Variants in RASGRF2 observed in about 807,000 individuals in gnomAD.
RASGRF2 encodes Ras protein specific guanine nucleotide releasing factor 2, also known as ras-specific guanine nucleotide-releasing factor 2.
A neutral mutation model predicts 151.0 loss-of-function variants in RASGRF2; 76 were observed. The ratio of observed to expected loss-of-function variants is 0.50; its 90% CI spans 0.42 to 0.61. The LOEUF is 0.61. RASGRF2 is among the 20% of genes least tolerant of loss of function. RASGRF2 has a pLI of 0.00. For missense variants in RASGRF2, 1,148 were observed against 1,564.6 expected (o/e 0.73, Z 4.49); for synonymous variants, 504 against 566.5 (o/e 0.89, Z 1.57).
chr5:81,155,834 G>A (rs189333221), intron 17 of RASGRF2, among the ~76,000 whole-genome samples: 1 of 152,306 alleles, frequency 6.6e-6, no homozygotes, highest in Admixed American at 6.5e-5. Flanking sequence ...TCGGGTTATG[G>A]AAATTATATG....
rs1374168381 is a variant in RASGRF2, at chr5:81,201,327, C to G, written c.2794-3C>G. 2 of 1,607,332 alleles carry G rather than the reference C, an allele frequency of 1.2e-6. No individual in the cohort carries two copies. ...ATTTAAAAAGATTCATTTTATTTTA[C>G]AGGATTTCGAACTCAACAATGAACT... On this transcript the variant is annotated splice_region_variant and splice_polypyrimidine_tract_variant and intron_variant, in intron 18 of 26. Transcript: ENST00000265080.
chr5:81,094,226 T>C, intron 10 of RASGRF2, 70 bp from the exon 11 acceptor site: 1 of 1,285,406 alleles, frequency 7.8e-7, no homozygotes, highest in Non-Finnish European at 1.1e-6. Context: ...GAATATAGTG[T>C]TTACAAATCA....
chr5:81,019,884 A>G (rs1464918115), intron 1 of RASGRF2, among the ~76,000 whole-genome samples: 1 of 152,178 alleles, frequency 6.6e-6, no homozygotes, highest in Non-Finnish European at 1.5e-5. Flanking sequence ...AGAAATGTGG[A>G]AAGGGGAAGT....
chr5:81,099,907 CTT>C (rs577876645), intron 12 of RASGRF2, among the ~76,000 whole-genome samples: 8 of 125,006 alleles, frequency 6.4e-5, no homozygotes, highest in Non-Finnish European at 9.9e-5. Flanking sequence ...TTTCTTTTTT[CTT>C]TTTTTTTTTT....
intron 12 of RASGRF2, among the ~76,000 whole-genome samples, chr5:81,101,068 A>C (rs1207061847): frequency 1.3e-5 from 2 of 152,216 alleles, no homozygotes; most frequent in Admixed American, 6.5e-5. Flanking sequence ...ATCCCATCCC[A>C]GCCGTTACAA....
At chr5:81,049,912 A>G (rs1294234185) in intron 2 of RASGRF2, among the ~76,000 whole-genome samples, 1 of 152,180 alleles carries the variant, frequency 6.6e-6, no homozygotes, top group Non-Finnish European at 1.5e-5. Context: ...CTATCTATAT[A>G]TCATCTCTCC....
chr5:81,010,076 A>C (rs1749406780), intron 1 of RASGRF2, among the ~76,000 whole-genome samples: 1 of 151,926 alleles, frequency 6.6e-6, no homozygotes, highest in African/African-American at 2.4e-5. Context: ...GAATTGCTTG[A>C]ATCCTGGAGG....
chr5:81,014,458 G>A (rs900952888), intron 1 of RASGRF2, among the ~76,000 whole-genome samples: 10 of 152,058 alleles, frequency 6.6e-5, no homozygotes, highest in African/African-American at 1.4e-4. Flanking sequence ...ATCAGATCTC[G>A]CGAAACTTAT....
chr5:81,132,185 T>C (rs1177198268), intron 17 of RASGRF2, among the ~76,000 whole-genome samples: 2 of 152,248 alleles, frequency 1.3e-5, no homozygotes, highest in Non-Finnish European at 2.9e-5. Context: ...ATCTATTTTA[T>C]ATACTGCAGT....
chr5:81,187,668 C>T (rs1755055819), intron 18 of RASGRF2, among the ~76,000 whole-genome samples: 1 of 152,200 alleles, frequency 6.6e-6, no homozygotes, highest in Admixed American at 6.5e-5. Context: ...GGGCTGCAGT[C>T]CCAGATCTGA....
intron 18 of RASGRF2, among the ~76,000 whole-genome samples, chr5:81,200,836 A>G (rs1005469235): frequency 6.6e-6 from 1 of 152,166 alleles, no homozygotes; most frequent in African/African-American, 2.4e-5. Flanking sequence ...ATGAATAGAA[A>G]TACATGTATG....
chr5:81,178,743 A>AC (rs1426301241), intron 17 of RASGRF2, among the ~76,000 whole-genome samples: 8 of 144,420 alleles, frequency 5.5e-5, no homozygotes, highest in African/African-American at 2.3e-4. Context: ...AGTATAGACA[A>AC]CTTTTTTTTT....
Position 81,090,531 on chromosome 5 carries a change from T to C in RASGRF2, c.1391-2270T>C, listed in dbSNP as rs542432126. 3.3e-5 allele frequency among the ~76,000 whole-genome samples: 5 copies of C among 152,332 alleles called. No individual in the cohort carries two copies. In the East Asian group the frequency reaches 9.6e-4, roughly 29 times the overall value. ...TGAAAAAATCCTCTTAAAATGCTTT[T>C]TCCAAATATGATTATTTCACAAACC... On this transcript the variant is annotated intron_variant, in intron 9 of 26. Transcript: ENST00000265080.
chr5:81,051,397 G>T (rs1207137247), intron 2 of RASGRF2, among the ~76,000 whole-genome samples: 1 of 152,080 alleles, frequency 6.6e-6, no homozygotes, highest in Non-Finnish European at 1.5e-5. Flanking sequence ...TTCTAGTACA[G>T]TCACAAGGTT....
intron 17 of RASGRF2, among the ~76,000 whole-genome samples, chr5:81,133,113 G>A (rs1753665993): frequency 6.6e-6 from 1 of 152,084 alleles, no homozygotes. Context: ...GAGTCAGGTG[G>A]TATAATGAAA....
chr5:81,080,880 C>T, intron 7 of RASGRF2, 91 bp downstream of exon 7: 2 of 1,198,104 alleles, frequency 1.7e-6, no homozygotes, highest in African/African-American at 3.0e-5. Context: ...CTTAAGTGTG[C>T]CCTGGGAGGA....
intron 12 of RASGRF2, among the ~76,000 whole-genome samples, chr5:81,107,029 G>A (rs765640777): frequency 6.6e-6 from 1 of 152,048 alleles, no homozygotes; most frequent in Non-Finnish European, 1.5e-5. Flanking sequence ...ACTTTCAGCT[G>A]TTTATACAAA....
intron 7 of RASGRF2, among the ~76,000 whole-genome samples, chr5:81,081,938 G>A (rs1211824532): frequency 6.6e-6 from 1 of 152,198 alleles, no homozygotes; most frequent in Non-Finnish European, 1.5e-5. Context: ...TCACAAGAAA[G>A]ATTTCAGACT....
intron 15 of RASGRF2, among the ~76,000 whole-genome samples, chr5:81,116,650 A>G (rs1753167883): frequency 6.6e-6 from 1 of 152,204 alleles, no homozygotes. Context: ...TTCATCGTGC[A>G]AAACCGAAAC....
Sources: gnomAD v4.1 joint callset for allele counts (sites outside exome capture counted in the v4.1 genomes callset) on GRCh38, gnomAD v4.1.1 for gene constraint, MANE v1.5 for transcripts, NCBI Gene and HGNC (gene_info 2026-07-23, HGNC 2026-07-21) for gene names.